Variants in TYW1 observed in about 807,000 individuals in gnomAD.
The protein encoded by TYW1 is S-adenosyl-L-methionine-dependent tRNA 4-demethylwyosine synthase TYW1.
TYW1 carries 46 observed loss-of-function variants against 96.2 expected under a neutral mutation model. The observed-to-expected ratio is 0.48, with a 90% confidence interval of 0.38 to 0.61. The LOEUF is 0.61. Ranked by LOEUF, TYW1 falls within the 20% of genes least tolerant of loss-of-function variation. The probability of loss-of-function intolerance (pLI) is 0.00; values close to 1 mark genes in which losing one functional copy is unlikely to be tolerated. For synonymous variants in TYW1, 274 were observed against 323.0 expected (o/e 0.85, Z 1.63); for missense variants, 684 against 909.6 (o/e 0.75, Z 3.19).
intron 10 of TYW1, among the ~76,000 whole-genome samples, chr7:67,079,603 C>A (rs1015025262): frequency 6.9e-5 from 10 of 145,724 alleles, no homozygotes; most frequent in African/African-American, 2.6e-4. Context: ...TTTATTTTTG[C>A]TCTGATTATT....
At chr7:67,014,889 T>G (rs1347521172) in intron 5 of TYW1, among the ~76,000 whole-genome samples, 1 of 149,878 alleles carries the variant, frequency 6.7e-6, no homozygotes, top group Non-Finnish European at 1.5e-5. Flanking sequence ...GCCACCAGGC[T>G]TGGCTAATTT....
chr7:67,052,942 C>T (rs1344516167), intron 8 of TYW1, among the ~76,000 whole-genome samples: 3 of 151,902 alleles, frequency 2.0e-5, no homozygotes, highest in East Asian at 1.9e-4. Flanking sequence ...GGGGTTTTAC[C>T]GTGTTAGCCA....
intron 11 of TYW1, among the ~76,000 whole-genome samples, chr7:67,094,407 G>A (rs1281585998): frequency 6.6e-6 from 1 of 151,910 alleles, no homozygotes; most frequent in African/African-American, 2.4e-5. Flanking sequence ...TCTATTTTTA[G>A]TTCTTTGAGA....
chr7:67,157,903 A>T (rs1466100160), intron 13 of TYW1, among the ~76,000 whole-genome samples: 2 of 152,122 alleles, frequency 1.3e-5, no homozygotes, highest in Non-Finnish European at 2.9e-5. Flanking sequence ...TAAAATTTGT[A>T]TATATTAAGG....
intron 4 of TYW1, among the ~76,000 whole-genome samples, chr7:67,011,717 C>G (rs1174640984): frequency 6.6e-6 from 1 of 151,908 alleles, no homozygotes. Flanking sequence ...ACTCAAAATA[C>G]AAAAATTAGC....
At chr7:67,001,284 A>G (rs1793378984) in intron 3 of TYW1, among the ~76,000 whole-genome samples, 1 of 152,174 alleles carries the variant, frequency 6.6e-6, no homozygotes, top group South Asian at 2.1e-4. Flanking sequence ...TAATTAGTTT[A>G]TACAAACAGC....
At chr7:67,143,586 T>G (rs1183520140) in intron 13 of TYW1, among the ~76,000 whole-genome samples, 3 of 152,148 alleles carry the variant, frequency 2.0e-5, no homozygotes, top group African/African-American at 7.2e-5. Context: ...GGAAAGCACG[T>G]GTGGCTTGTG....
Position 67,236,097 on chromosome 7 carries a change from A to C in TYW1, c.1978-2211A>C, listed in dbSNP as rs188317658. 3.5e-4 allele frequency among the ~76,000 whole-genome samples: 54 copies of C among 152,196 alleles called. 1 individual carries two copies. The highest frequency in any genetic ancestry group is 8.3e-4 in the South Asian group (4 of 4,818). ...GTCCTGTGGCCAGGAAACTGACAGA[A>C]ATTGTCTAACATGGGAACTCTCTCA... On this transcript the variant is annotated intron_variant, in intron 15 of 15. Transcript: ENST00000359626.
At chr7:67,109,559 T>C (rs1386669697) in intron 12 of TYW1, among the ~76,000 whole-genome samples, 1 of 152,164 alleles carries the variant, frequency 6.6e-6, no homozygotes, top group Admixed American at 6.5e-5. Context: ...ACTTGTTCTA[T>C]TCCATTCTCA....
chr7:67,005,237 G>A (rs1793532618), intron 3 of TYW1, among the ~76,000 whole-genome samples: 3 of 152,094 alleles, frequency 2.0e-5, no homozygotes, highest in African/African-American at 7.2e-5. Context: ...ATGATTTTGT[G>A]TCTTGGGGAT....
chr7:67,201,206 C>T (rs1800587295), intron 15 of TYW1, among the ~76,000 whole-genome samples: 1 of 147,872 alleles, frequency 6.8e-6, no homozygotes, highest in Admixed American at 6.9e-5. Context: ...TGTCGTGTGC[C>T]TGTAGTCTTG....
intron 13 of TYW1, among the ~76,000 whole-genome samples, chr7:67,148,527 G>A (rs1165381441): frequency 7.4e-5 from 11 of 147,884 alleles, no homozygotes; most frequent in Non-Finnish European, 1.5e-4. Context: ...CCGGGTTCAC[G>A]CCATTCTCCT....
intron 13 of TYW1, among the ~76,000 whole-genome samples, chr7:67,147,441 T>G (rs1222774512): frequency 6.6e-6 from 1 of 152,098 alleles, no homozygotes; most frequent in African/African-American, 2.4e-5. Flanking sequence ...TTTTAACTCT[T>G]AAGTTCAAAG....
chr7:67,136,918 G>A (rs537523805), intron 13 of TYW1, among the ~76,000 whole-genome samples: 6 of 152,070 alleles, frequency 3.9e-5, no homozygotes, highest in African/African-American at 1.2e-4. Context: ...TGCCTCCTGG[G>A]TTCAAGCAAT....
chr7:67,119,484 C>G lies in TYW1; in HGVS notation c.1698+1866C>G, dbSNP rs1464102670. Among the ~76,000 whole-genome samples, 3 of 152,306 alleles carry G rather than the reference C, an allele frequency of 2.0e-5. No individual in the cohort carries two copies. The East Asian group carries it at 5.8e-4, about 29-fold the overall frequency. On this transcript the variant is annotated intron_variant, in intron 13 of 15. Coordinates refer to ENST00000359626, the MANE Select transcript of TYW1 (RefSeq NM_018264.4). ...CCATTTCTGCACATGTACCCACCAC[C>G]TTCTCCCTTCTGAGTCTTCGGTTAC... is the stretch of plus-strand genomic sequence containing the variant.
intron 7 of TYW1, among the ~76,000 whole-genome samples, chr7:67,046,292 T>A (rs1479335486): frequency 6.6e-6 from 1 of 152,102 alleles, no homozygotes; most frequent in Non-Finnish European, 1.5e-5. Context: ...TGGTTGACTT[T>A]TTAGTTCTGA....
intron 4 of TYW1, among the ~76,000 whole-genome samples, chr7:67,012,420 G>A (rs558335810): frequency 9.8e-4 from 149 of 152,280 alleles, no homozygotes; most frequent in Middle Eastern, 3.4e-3. Context: ...CGTCTTAGTG[G>A]TTAAATATCT....
intron 14 of TYW1, among the ~76,000 whole-genome samples, chr7:67,185,252 A>G (rs1396144561): frequency 6.6e-6 from 1 of 151,924 alleles, no homozygotes; most frequent in African/African-American, 2.4e-5. Flanking sequence ...ATATAGGTGC[A>G]CTAGGAAAGG....
chr7:67,098,609 G>T lies in TYW1; in HGVS notation c.1453G>T (p.Val485Leu). ...GGTAAAGCACTGTGCATTGTCCCTC[G>T]TGGGAGAACCAATAATGTACCCAGA... is the stretch of plus-strand genomic sequence containing the variant. The part of the protein sequence containing the change: ...MTVKHCALSL[V>L]GEPIMYPEIN... The change falls in exon 12 of 16, where the codon GTG (valine) becomes TTG (leucine). Residue 485 changes from valine to leucine, a missense_variant. Coordinates refer to ENST00000359626, the MANE Select transcript of TYW1 (RefSeq NM_018264.4). 6.2e-7 allele frequency: 1 copy of T among 1,613,570 alleles called. No homozygotes were observed. Among genetic ancestry groups the T allele is most frequent in the Non-Finnish European group, 8.5e-7 (1 of 1,179,844 alleles).
Sources: gnomAD v4.1 joint callset for allele counts (sites outside exome capture counted in the v4.1 genomes callset) on GRCh38, gnomAD v4.1.1 for gene constraint, MANE v1.5 for transcripts, NCBI Gene and HGNC (gene_info 2026-07-23, HGNC 2026-07-21) for gene names.